PEAK1: variants seen among roughly 807,000 people sequenced by gnomAD.
The protein encoded by PEAK1 is pseudopodium enriched atypical kinase 1, also known as inactive tyrosine-protein kinase PEAK1.
PEAK1 carries 54 observed loss-of-function variants against 124.7 expected under a neutral mutation model. That is an observed-to-expected ratio of 0.43 (90% CI 0.35 to 0.54). The LOEUF (loss-of-function observed/expected upper bound fraction) is 0.54. Ranked by LOEUF, PEAK1 falls within the 20% of genes least tolerant of loss-of-function variation. The pLI is 0.01. For synonymous variants in PEAK1, 719 were observed against 760.0 expected, an observed-to-expected ratio of 0.95 and a Z score of 0.89; for missense variants, 2,046 against 2,134.5, an observed-to-expected ratio of 0.96 and a Z score of 0.82.
At chr15:77,190,536 A>G (rs2057781014) in intron 6 of PEAK1, among the ~76,000 whole-genome samples, 1 of 152,242 alleles carries the variant, frequency 6.6e-6, no homozygotes, top group Non-Finnish European at 1.5e-5. Context: ...AAACACAGGC[A>G]GGATCATTGC....
At chr15:77,326,677 C>T (rs1469127527) in intron 2 of PEAK1, among the ~76,000 whole-genome samples, 6 of 152,054 alleles carry the variant, frequency 3.9e-5, no homozygotes, top group African/African-American at 1.4e-4. Context: ...GTTGAAAAAA[C>T]AACTCCCTAA....
intron 7 of PEAK1, chr15:77,178,108 TTAAGG>T (rs2056996361): frequency 6.6e-6 from 1 of 152,214 alleles, no homozygotes; most frequent in African/African-American, 2.4e-5. Context: ...TAAATAGTTA[TTAAGG>T]TATTCAAGAA....
At chr15:77,145,043 A>G (rs2039434937) in intron 8 of PEAK1, among the ~76,000 whole-genome samples, 1 of 152,238 alleles carries the variant, frequency 6.6e-6, no homozygotes, top group Non-Finnish European at 1.5e-5. Flanking sequence ...TTGCCTTGCT[A>G]TATGCTAAAA....
chr15:77,404,280 G>A (rs2071618177), intron 1 of PEAK1: 2 of 985,240 alleles, frequency 2.0e-6, no homozygotes, highest in Admixed American at 6.1e-5. Flanking sequence ...CAGAATACCT[G>A]CAAAGTGATA....
At chr15:77,252,177 T>C (rs1199230892) in intron 6 of PEAK1, among the ~76,000 whole-genome samples, 190 bp downstream of exon 6, 1 of 152,242 alleles carries the variant, frequency 6.6e-6, no homozygotes, top group African/African-American at 2.4e-5. Flanking sequence ...ATTAAGTTTA[T>C]AACTAGGGGA....
At chr15:77,279,816 A>G (rs1450045146) in intron 5 of PEAK1, among the ~76,000 whole-genome samples, 2 of 152,208 alleles carry the variant, frequency 1.3e-5, no homozygotes, top group Admixed American at 1.3e-4. Flanking sequence ...AGGTATCTTT[A>G]ATAAAGCTGG....
chr15:77,288,928 A>T (rs1190405834), intron 2 of PEAK1, among the ~76,000 whole-genome samples: 3 of 63,552 alleles, frequency 4.7e-5, no homozygotes, highest in Non-Finnish European at 1.2e-4. Context: ...ACTCCGTCTC[A>T]AAAAAAAAAA....
chr15:77,213,481 G>A lies in PEAK1; in HGVS notation c.-114-31441C>T, dbSNP rs562695941. ...CCGAGGTGGGTGATCACGAAGACAC[G>A]AGTTCAAGACCAGCCTGGCCAAGAT... On this transcript the variant is annotated intron_variant, in intron 6 of 9. Coordinates refer to ENST00000682557, the MANE Select transcript of PEAK1 (RefSeq NM_001385026.1). Among the ~76,000 whole-genome samples, 53 of 152,164 alleles carry A rather than the reference G, an allele frequency of 3.5e-4. 1 individual carries two copies. In the South Asian group the frequency reaches 0.011, roughly 31 times the overall value.
intron 2 of PEAK1, among the ~76,000 whole-genome samples, chr15:77,328,111 C>T (rs1427645633): frequency 2.0e-5 from 3 of 152,002 alleles, no homozygotes; most frequent in Non-Finnish European, 2.9e-5. Flanking sequence ...TACAGTATAC[C>T]ACATGTATTT....
At chr15:77,105,556 T>G (rs796691903), downstream of PEAK1, 3 of 152,354 alleles carry the variant, frequency 2.0e-5, no homozygotes, top group African/African-American at 7.2e-5. Context: ...GAGCTGCTCT[T>G]AACAACAACT....
intron 9 of PEAK1, among the ~76,000 whole-genome samples, chr15:77,119,036 A>G (rs2051655940): frequency 6.8e-6 from 1 of 147,020 alleles, no homozygotes; most frequent in Admixed American, 6.8e-5. Flanking sequence ...GCAGCAGGAG[A>G]ACAAAACCAG....
intron 8 of PEAK1, among the ~76,000 whole-genome samples, chr15:77,150,975 G>A (rs549900484): frequency 0.021 from 3,255 of 152,012 alleles, 116 homozygotes; most frequent in African/African-American, 0.073. Flanking sequence ...ATAAACATAC[G>A]TGTGCATGTG....
chr15:77,390,944 AAAG>A (rs1328130808), intron 1 of PEAK1, among the ~76,000 whole-genome samples: 3 of 152,068 alleles, frequency 2.0e-5, no homozygotes, highest in Admixed American at 6.5e-5. Context: ...ACACAACCAA[AAAG>A]AAGAACTTTT....
At position 77,181,098 on chromosome 15, in the gene PEAK1, C is replaced by A; in HGVS notation, c.829G>T (p.Ala277Ser). Residue 277 changes from alanine (A) to serine (S), a missense_variant, in exon 7 of 10, where the codon GCA becomes TCA. Coordinates refer to ENST00000682557, the MANE Select transcript of PEAK1 (RefSeq NM_001385026.1). ...AATCGAACAGGAGACAATGTGTTTG[C>A]TCTGAAGTTGGCAAAGCGAGGTTGC... ...RGQPRFANFR[A>S]NTLSPVRFFV... The A allele has an allele frequency of 6.2e-7, 1 of 1,614,190 alleles. No homozygotes were observed. The highest frequency in any genetic ancestry group is 8.5e-7 in the Non-Finnish European group (1 of 1,180,028).
At chr15:77,313,484 G>C (rs2064606718) in intron 2 of PEAK1, among the ~76,000 whole-genome samples, 1 of 151,680 alleles carries the variant, frequency 6.6e-6, no homozygotes, top group Non-Finnish European at 1.5e-5. Context: ...TGTTTATTTT[G>C]AGATGGAGTT....
chr15:77,120,751 A>G (rs2051838246), intron 9 of PEAK1, among the ~76,000 whole-genome samples: 1 of 152,178 alleles, frequency 6.6e-6, no homozygotes, highest in Non-Finnish European at 1.5e-5. Context: ...GCTCCGCTTT[A>G]TCCTCATAGG....
At chr15:77,281,482 T>C (rs530684521) in intron 5 of PEAK1, among the ~76,000 whole-genome samples, 25 of 152,264 alleles carry the variant, frequency 1.6e-4, no homozygotes, top group Middle Eastern at 3.4e-3. Context: ...AAATGTTCTG[T>C]TTATATATAA....
At chr15:77,390,066 T>C (rs1157378172) in intron 1 of PEAK1, among the ~76,000 whole-genome samples, 5 of 152,192 alleles carry the variant, frequency 3.3e-5, no homozygotes, top group Admixed American at 2.0e-4. Flanking sequence ...TTTATCTCAT[T>C]TGACAAATGA....
chr15:77,225,299 T>C (rs537172552), intron 6 of PEAK1, among the ~76,000 whole-genome samples: 1 of 151,988 alleles, frequency 6.6e-6, no homozygotes, highest in Non-Finnish European at 1.5e-5. Flanking sequence ...GCAATTGCAT[T>C]GTATTTGTCT....
Sources: allele counts gnomAD v4.1 joint callset (sites outside exome capture counted in the v4.1 genomes callset), GRCh38; gene constraint gnomAD v4.1.1; transcripts MANE v1.5; gene names NCBI Gene and HGNC (gene_info 2026-07-23, HGNC 2026-07-21).